The following CCDC93 variants were observed in gnomAD, a reference collection of about 807,000 sequenced individuals.
The protein encoded by CCDC93 is coiled-coil domain-containing protein 93.
Under a neutral mutation model 108.2 loss-of-function variants are expected in CCDC93, and 61 were observed. The ratio of observed to expected loss-of-function variants is 0.56; its 90% confidence interval spans 0.46 to 0.70. CCDC93 has a LOEUF of 0.70. Ranked by LOEUF, CCDC93 falls within the 30% of genes least tolerant of loss-of-function variation. The pLI is 0.00. For missense variants in CCDC93, 685 were observed against 764.2 expected (o/e 0.90, Z 1.22); for synonymous variants, 276 against 260.4 (o/e 1.06, Z -0.58).
intron 7 of CCDC93, 81 bp from the exon 8 acceptor site, chr2:117,978,111 T>C: frequency 7.8e-7 from 1 of 1,277,994 alleles, no homozygotes; most frequent in South Asian, 1.2e-5. Flanking sequence ...GTTGACTTTT[T>C]ACATGAAAAA....
At position 117,949,339 on chromosome 2, in the gene CCDC93, T is replaced by G. The variant is rs766124263; in HGVS notation, c.1125A>C (p.Glu375Asp). 1 of 1,613,456 alleles carries G rather than the reference T, an allele frequency of 6.2e-7. No homozygotes were observed. Among genetic ancestry groups the G allele is most frequent in the East Asian group, 2.2e-5 (1 of 44,880 alleles). ...DKEQAALEKIESKADPSILQN... is the reference protein window; with the variant it reads ...DKEQAALEKIDSKADPSILQN... ...CCTCTTACCTTGGATCAGCTTTGGA[T>G]TCTATCTTCTCGAGGGCTGCTTGCT... Residue 375 changes from glutamate to aspartate, a missense_variant, in exon 14 of 24, where the codon GAA (glutamate) becomes GAC (aspartate). Transcript: ENST00000376300.
intron 8 of CCDC93, among the ~76,000 whole-genome samples, chr2:117,977,431 G>A (rs1161442526): frequency 1.3e-5 from 2 of 152,206 alleles, no homozygotes; most frequent in African/African-American, 4.8e-5. Flanking sequence ...TTAACATACA[G>A]CCTGGAACAC....
In CCDC93 at chr2:117,936,725, G is replaced by A. The variant is rs1303290545; in HGVS notation, c.1620C>T (p.Asn540=). The A allele has an allele frequency of 3.1e-6, 5 of 1,613,424 alleles. No individual in the cohort carries two copies. The highest frequency in any genetic ancestry group is 1.6e-4 in the Middle Eastern group (1 of 6,062). ...ACTGTGAGAAGTTCTCATGAATTGA[G>A]TTCAGCAGACTAATCTGGGGAAGTA... ...VYLEKEISLL[N]SIHENFSQAM... The change falls in exon 21 of 24, where the codon AAC becomes AAT. Residue 540 remains asparagine, a synonymous_variant. Transcript: ENST00000376300.
chr2:117,944,681 T>A (rs1197501114), intron 17 of CCDC93: 1 of 468,218 alleles, frequency 2.1e-6, no homozygotes, highest in African/African-American at 2.0e-5. Context: ...GTCAAAGGAG[T>A]GCCTCCTTCC....
rs571561804 is a variant in CCDC93 at position 118,006,356 on chromosome 2, G to A, written c.251+366C>T. Among the ~76,000 whole-genome samples the A allele has an allele frequency of 7.2e-5, 11 of 152,222 alleles. No homozygotes were observed. The South Asian group carries it at 2.3e-3, about 32-fold the overall frequency. ...TGCTGTGCTACAAAAGACTGGGCAGGGTATGCTCAGGTGAGATCTCTAGCA... is the reference window on the plus strand; with the variant it reads ...TGCTGTGCTACAAAAGACTGGGCAGAGTATGCTCAGGTGAGATCTCTAGCA... On this transcript the variant is annotated intron_variant, in intron 3 of 23. Transcript: ENST00000376300.
chr2:117,944,139 T>C (rs1443743785), intron 17 of CCDC93, 53 bp from the exon 18 acceptor site: 2 of 1,275,468 alleles, frequency 1.6e-6, no homozygotes, highest in African/African-American at 3.0e-5. Flanking sequence ...TTTCACTCTT[T>C]AATGGAGTCT....
At position 117,919,674 on chromosome 2, in the gene CCDC93, C is replaced by T. The variant is rs1257196693; in HGVS notation, c.*669G>A. The T allele has an allele frequency of 6.7e-6, 1 of 149,410 alleles. No individual in the cohort carries two copies. Among genetic ancestry groups the T allele is most frequent in the African/African-American group, 2.5e-5 (1 of 40,770 alleles). The allele number at this position is 149,410 out of a possible 1,614,324, so 9.3% of individuals were successfully genotyped here. ...TTTTCTGAGAAATCAACTTGAGTAA[C>T]GTATAAAAATTAAAACAACACTGAA... On this transcript the variant is annotated 3_prime_UTR_variant, in exon 24 of 24. Transcript: ENST00000376300.
chr2:117,948,014 A>C, intron 15 of CCDC93, 91 bp downstream of exon 15: 1 of 1,038,314 alleles, frequency 9.6e-7, no homozygotes, highest in East Asian at 2.4e-5. Flanking sequence ...TTTAAACTGC[A>C]CTGGATAGGA....
intron 7 of CCDC93, among the ~76,000 whole-genome samples, chr2:117,985,754 A>C (rs1680298245): frequency 6.6e-6 from 1 of 152,198 alleles, no homozygotes; most frequent in South Asian, 2.1e-4. Context: ...CTCCCAAAGG[A>C]AGGCAGAGCC....
chr2:118,001,840 G>T (rs898529373), intron 3 of CCDC93, among the ~76,000 whole-genome samples: 2 of 152,164 alleles, frequency 1.3e-5, no homozygotes, highest in African/African-American at 4.8e-5. Flanking sequence ...GAATCAGTTG[G>T]CATTTCATCT....
intron 16 of CCDC93, 61 bp downstream of exon 16, chr2:117,946,750 A>G: frequency 4.9e-6 from 6 of 1,214,830 alleles, no homozygotes; most frequent in Non-Finnish European, 7.3e-6. Context: ...TTGGTCCTCT[A>G]GAACTATCTT....
At chr2:117,972,412 CAGA>C (rs1679794321) in intron 11 of CCDC93, among the ~76,000 whole-genome samples, 1 of 152,138 alleles carries the variant, frequency 6.6e-6, no homozygotes, top group East Asian at 1.9e-4. Context: ...CAGAGAGATC[CAGA>C]AGGAGACGTG....
chr2:118,006,434 C>T (rs1319521202), intron 3 of CCDC93, among the ~76,000 whole-genome samples: 2 of 152,228 alleles, frequency 1.3e-5, no homozygotes, highest in East Asian at 1.9e-4. Context: ...CTCTGCCTTA[C>T]ACAGAGGCAA....
At chr2:117,930,964 T>G in intron 23 of CCDC93, 73 bp downstream of exon 23, 1 of 1,007,184 alleles carries the variant, frequency 9.9e-7, no homozygotes. Flanking sequence ...AAACTGCTGT[T>G]TTTTAGTGGC....
intron 17 of CCDC93, 151 bp downstream of exon 17, chr2:117,945,378 T>G (rs1341412158): frequency 4.3e-5 from 27 of 634,824 alleles, no homozygotes; most frequent in Non-Finnish European, 1.9e-5. Context: ...GAGGCCTAGC[T>G]GTATCAAACA....
chr2:117,936,299 C>T (rs529246535), intron 21 of CCDC93, among the ~76,000 whole-genome samples: 2 of 151,586 alleles, frequency 1.3e-5, no homozygotes, highest in African/African-American at 4.9e-5. Context: ...TTTTAGAGAA[C>T]AATGTACACA....
chr2:117,922,611 C>CA (rs773202853), intron 23 of CCDC93, among the ~76,000 whole-genome samples: 1 of 152,060 alleles, frequency 6.6e-6, no homozygotes, highest in African/African-American at 2.4e-5. Context: ...GCTAAGGTGG[C>CA]AAAAAACCAT....
At chr2:117,993,796 C>T (rs997140538) in intron 6 of CCDC93, among the ~76,000 whole-genome samples, 2 of 152,318 alleles carry the variant, frequency 1.3e-5, no homozygotes, top group East Asian at 3.9e-4. Context: ...TGCAATGGCA[C>T]GATCTTGGCT....
rs1478886794 is a variant in CCDC93 at position 117,918,457 on chromosome 2, A to G, written c.*1886T>C. ...GGTTGCTTTGGATTCATCATGCCATACTTTCCCCATCAGCACAGAGGTGGA... is the reference window on the plus strand; with the variant it reads ...GGTTGCTTTGGATTCATCATGCCATGCTTTCCCCATCAGCACAGAGGTGGA... On this transcript the variant is annotated 3_prime_UTR_variant, in exon 24 of 24. Transcript: ENST00000376300. 1.3e-5 allele frequency: 2 copies of G among 152,202 alleles called. No homozygotes were observed. The highest frequency in any genetic ancestry group is 2.9e-5 in the Non-Finnish European group (2 of 68,040). The allele number at this position is 152,202 out of a possible 1,614,324, so 9.4% of individuals were successfully genotyped here.
Sources: gnomAD v4.1 joint callset for allele counts (sites outside exome capture counted in the v4.1 genomes callset) on GRCh38, gnomAD v4.1.1 for gene constraint, MANE v1.5 for transcripts, NCBI Gene and HGNC (gene_info 2026-07-23, HGNC 2026-07-21) for gene names.